EIF4G3: variants seen among roughly 807,000 people sequenced by gnomAD.
EIF4G3 encodes eukaryotic translation initiation factor 4 gamma 3.
Under a neutral mutation model 186.4 loss-of-function variants are expected in EIF4G3, and 34 were observed. The ratio of observed to expected loss-of-function variants is 0.18; its 90% CI spans 0.14 to 0.24. The LOEUF (loss-of-function observed/expected upper bound fraction) is 0.24, where lower values mean the gene tolerates loss of function less well. EIF4G3 is among the 10% of genes least tolerant of loss of function. The pLI is 1.00. For missense variants in EIF4G3, 1,536 were observed against 1,948.5 expected (o/e 0.79, Z 3.99); for synonymous variants, 673 against 679.5 (o/e 0.99, Z 0.15).
At chr1:20,981,296 T>C in intron 8 of EIF4G3, 69 bp from the exon 9 acceptor site, 1 of 1,000,578 alleles carries the variant, frequency 1.0e-6, no homozygotes, top group African/African-American at 1.6e-5. Context: ...TTTTACTGTC[T>C]CCTTTTCTTC....
chr1:20,833,590 C>T (rs1175025473), intron 30 of EIF4G3, among the ~76,000 whole-genome samples: 1 of 152,140 alleles, frequency 6.6e-6, no homozygotes, highest in Admixed American at 6.5e-5. Flanking sequence ...TAACTGAATA[C>T]CCTTTATTTC....
intron 2 of EIF4G3, among the ~76,000 whole-genome samples, chr1:21,172,160 C>A (rs1191280305): frequency 6.8e-6 from 1 of 147,096 alleles, no homozygotes; most frequent in Admixed American, 6.8e-5. Context: ...GACTGAAATC[C>A]ATTTATTAAA....
chr1:21,017,355 G>A (rs1356639763), intron 4 of EIF4G3, among the ~76,000 whole-genome samples: 10 of 152,064 alleles, frequency 6.6e-5, no homozygotes, highest in African/African-American at 1.4e-4. Context: ...TTGGCCGGGC[G>A]CAGTGGCTCA....
intron 4 of EIF4G3, among the ~76,000 whole-genome samples, chr1:21,009,018 G>T (rs2086165430): frequency 6.6e-6 from 1 of 152,144 alleles, no homozygotes. Context: ...TCATCTTAGA[G>T]CTGGTAAAGA....
chr1:20,995,481 C>T (rs1307952734), intron 7 of EIF4G3, among the ~76,000 whole-genome samples: 1 of 152,068 alleles, frequency 6.6e-6, no homozygotes, highest in African/African-American at 2.4e-5. Context: ...CAAGTGATCG[C>T]TTGCCTCAGC....
intron 14 of EIF4G3, among the ~76,000 whole-genome samples, chr1:20,941,032 A>T (rs1457415417): frequency 1.3e-5 from 2 of 152,260 alleles, no homozygotes; most frequent in East Asian, 3.8e-4. Flanking sequence ...TCTGATTGCT[A>T]TCTTCCTACA....
At chr1:21,003,670 A>G in intron 4 of EIF4G3, 1 of 365,004 alleles carries the variant, frequency 2.7e-6, no homozygotes, top group South Asian at 2.4e-5. Context: ...TTATTCTGCC[A>G]TTTTTTTTCT....
chr1:20,924,235 T>G (rs150440053), intron 14 of EIF4G3, among the ~76,000 whole-genome samples: 2 of 152,226 alleles, frequency 1.3e-5, no homozygotes, highest in African/African-American at 4.8e-5. Flanking sequence ...TTTAAAGAAC[T>G]GTCAGCATCT....
intron 33 of EIF4G3, among the ~76,000 whole-genome samples, chr1:20,824,880 T>C (rs780115847): frequency 2.6e-5 from 4 of 152,174 alleles, no homozygotes; most frequent in East Asian, 1.9e-4. Flanking sequence ...TGTTTTTCTA[T>C]AGGTTGCTAA....
intron 4 of EIF4G3, among the ~76,000 whole-genome samples, chr1:21,004,417 C>A (rs961966799): frequency 2.6e-5 from 4 of 152,048 alleles, no homozygotes; most frequent in Admixed American, 2.6e-4. Context: ...CCACCAAGAA[C>A]AATGGACATA....
chr1:20,943,404 G>C (rs949321738), intron 13 of EIF4G3, among the ~76,000 whole-genome samples: 2 of 152,134 alleles, frequency 1.3e-5, no homozygotes, highest in Non-Finnish European at 2.9e-5. Context: ...GCGGGTACCA[G>C]AAAAACACAA....
intron 25 of EIF4G3, among the ~76,000 whole-genome samples, chr1:20,857,162 C>CAAAAAAAAAAAAAAAAAAAAAAAAA (rs577290987): frequency 2.1e-5 from 1 of 47,364 alleles, no homozygotes; most frequent in African/African-American, 8.3e-5. Flanking sequence ...GACTCCATCT[C>CAAAAAAAAAAAAAAAAAAAAAAAAA]AAAAAAAAAA....
At chr1:20,932,733 G>A (rs2095369820) in intron 14 of EIF4G3, among the ~76,000 whole-genome samples, 1 of 152,040 alleles carries the variant, frequency 6.6e-6, no homozygotes, top group Non-Finnish European at 1.5e-5. Flanking sequence ...AATTACAACA[G>A]TAACATCAAA....
At chr1:20,882,904 C>G (rs1399843084) in intron 19 of EIF4G3, among the ~76,000 whole-genome samples, 1 of 151,368 alleles carries the variant, frequency 6.6e-6, no homozygotes, top group African/African-American at 2.4e-5. Flanking sequence ...GCCTGGGCAA[C>G]AGAATGAGAC....
intron 24 of EIF4G3, among the ~76,000 whole-genome samples, chr1:20,859,338 AG>A (rs1405681957): frequency 6.6e-6 from 1 of 152,192 alleles, no homozygotes; most frequent in Non-Finnish European, 1.5e-5. Flanking sequence ...AGAGCGAGGA[AG>A]GTAAGTGTGG....
At chr1:21,043,508 C>T (rs184280356) in intron 4 of EIF4G3, among the ~76,000 whole-genome samples, 14 of 152,260 alleles carry the variant, frequency 9.2e-5, no homozygotes, top group African/African-American at 2.4e-4. Context: ...GAATTCTTTT[C>T]GGCTACAGGC....
At chr1:21,136,386 G>C (rs1172473646) in intron 2 of EIF4G3, among the ~76,000 whole-genome samples, 1 of 151,874 alleles carries the variant, frequency 6.6e-6, no homozygotes, top group Admixed American at 6.6e-5. Context: ...GCATGGTGGT[G>C]GATGCCTGTA....
At position 21,057,995 on chromosome 1, in the gene EIF4G3, G is replaced by A. The variant is rs1358103924; in HGVS notation, c.-195-7001C>T. ...ATTTAAGGTAGACCATAAAGATCAT[G>A]CAAATTAGGATTAGTCATTAGGTAT... is the stretch of plus-strand genomic sequence containing the variant. On this transcript the variant is annotated intron_variant, in intron 3 of 36. Coordinates refer to ENST00000602326, the MANE Select transcript of EIF4G3 (RefSeq NM_001391906.1). Among the ~76,000 whole-genome samples, 6 of 152,116 alleles carry A rather than the reference G, an allele frequency of 3.9e-5. No homozygotes were observed. The East Asian group carries it at 9.6e-4, about 24-fold the overall frequency.
chr1:21,145,337 A>AC (rs1220534877), intron 2 of EIF4G3, among the ~76,000 whole-genome samples: 10 of 151,482 alleles, frequency 6.6e-5, no homozygotes, highest in Admixed American at 1.3e-4. Flanking sequence ...AAACAAACAA[A>AC]AAAAACCCTA....
Sources: gnomAD v4.1 joint callset for allele counts (sites outside exome capture counted in the v4.1 genomes callset) on GRCh38, gnomAD v4.1.1 for gene constraint, MANE v1.5 for transcripts, NCBI Gene and HGNC (gene_info 2026-07-23, HGNC 2026-07-21) for gene names.